Variants in ALDH1A1 observed in about 807,000 individuals in gnomAD.
The protein encoded by ALDH1A1 is aldehyde dehydrogenase 1A1.
A neutral mutation model predicts 62.1 loss-of-function variants in ALDH1A1; 19 were observed. The ratio of observed to expected loss-of-function variants is 0.31; its 90% CI spans 0.21 to 0.45. ALDH1A1 has a LOEUF of 0.45. ALDH1A1 is among the 20% of genes least tolerant of loss of function. The probability of loss-of-function intolerance (pLI) is 1.00; values close to 1 mark genes in which losing one functional copy is unlikely to be tolerated. For synonymous variants in ALDH1A1, 231 were observed against 215.9 expected, an observed-to-expected ratio of 1.07 and a Z score of -0.61; for missense variants, 521 against 607.1, an observed-to-expected ratio of 0.86 and a Z score of 1.49.
At chr9:72,905,167 T>A (rs1447056792) in intron 12 of ALDH1A1, among the ~76,000 whole-genome samples, 1 of 152,154 alleles carries the variant, frequency 6.6e-6, no homozygotes, top group African/African-American at 2.4e-5. Flanking sequence ...AGGTTTCTAT[T>A]TCTTTTTTCT....
At position 72,906,076 on chromosome 9, in the gene ALDH1A1, GA is replaced by G. The variant is rs530247413; in HGVS notation, c.1359-45del. On this transcript the variant is annotated intron_variant, in intron 11 of 12. Coordinates refer to ENST00000297785, the MANE Select transcript of ALDH1A1 (RefSeq NM_000689.5). The stretch of plus-strand genomic sequence containing the variant: ...GCATTATAGACAATACTTAAGGTGT[GA>G]AAAAAAAATCCTTTTTGGCAGTTTT... 5.0e-4 allele frequency: 729 copies of G among 1,463,204 alleles called. 1 individual carries two copies. The African/African-American group carries it at 6.9e-3, about 14-fold the overall frequency. The allele number at this position is 1,463,204 out of a possible 1,614,324, so 90.6% of individuals were successfully genotyped here.
At chr9:72,929,656 C>A (rs574601826) in intron 3 of ALDH1A1, among the ~76,000 whole-genome samples, 1 of 152,126 alleles carries the variant, frequency 6.6e-6, no homozygotes, top group Non-Finnish European at 1.5e-5. Flanking sequence ...ACCTATCTCC[C>A]CTTTGGCTTC....
intron 9 of ALDH1A1, among the ~76,000 whole-genome samples, chr9:72,916,356 A>G (rs1488932738): frequency 2.6e-5 from 4 of 152,208 alleles, no homozygotes; most frequent in African/African-American, 9.6e-5. Context: ...ACCTTTACTG[A>G]TAATAAAGTC....
intron 9 of ALDH1A1, among the ~76,000 whole-genome samples, chr9:72,912,548 CA>C (rs1238347933): frequency 6.6e-6 from 1 of 152,158 alleles, no homozygotes; most frequent in East Asian, 1.9e-4. Context: ...TGTTGGGAAG[CA>C]GATGCTTTAA....
intron 1 of ALDH1A1, among the ~76,000 whole-genome samples, chr9:72,949,882 G>A (rs1249732918): frequency 6.6e-6 from 1 of 150,924 alleles, no homozygotes; most frequent in Non-Finnish European, 1.5e-5. Flanking sequence ...CAACAGTATT[G>A]TGAAGAGAGA....
In ALDH1A1 at chr9:72,931,014, A is replaced by G. The variant is rs1161036368; in HGVS notation, c.177T>C (p.Asp59=). The part of the protein sequence containing the change: ...LCQVEEGDKE[D]VDKAVKAARQ... The stretch of plus-strand genomic sequence containing the variant: ...TTGCGGCCTTCACTGCCTTGTCAAC[A>G]TCCTCCTGTAAGTCAACAGGAATTC... Residue 59 remains aspartate (D), a synonymous_variant, in exon 3 of 13, where the codon GAT becomes GAC. Coordinates refer to ENST00000297785, the MANE Select transcript of ALDH1A1 (RefSeq NM_000689.5). 6 of 1,613,966 alleles carry G rather than the reference A, an allele frequency of 3.7e-6. No individual in the cohort carries two copies. The East Asian group carries it at 1.3e-4, about 36-fold the overall frequency.
intron 3 of ALDH1A1, 32 bp from the exon 4 acceptor site, chr9:72,929,053 T>C: frequency 1.3e-6 from 2 of 1,486,126 alleles, no homozygotes; most frequent in Non-Finnish European, 1.8e-6. Flanking sequence ...AAATCTAAAA[T>C]TCCATAAGTT....
At chr9:72,908,662 AGT>A (rs1409603256) in intron 11 of ALDH1A1, among the ~76,000 whole-genome samples, 1 of 152,012 alleles carries the variant, frequency 6.6e-6, no homozygotes, top group Non-Finnish European at 1.5e-5. Context: ...GGTGTGACTT[AGT>A]GTTGGGAAGG....
intron 12 of ALDH1A1, among the ~76,000 whole-genome samples, chr9:72,902,558 GA>G (rs1389538117): frequency 6.6e-6 from 1 of 151,966 alleles, no homozygotes; most frequent in African/African-American, 2.4e-5. Context: ...CCCATTAAAA[GA>G]TAATATTTTA....
chr9:72,944,297 C>T (rs1319155140), intron 1 of ALDH1A1, among the ~76,000 whole-genome samples: 3 of 152,038 alleles, frequency 2.0e-5, no homozygotes, highest in Non-Finnish European at 2.9e-5. Flanking sequence ...AGTGATGTAA[C>T]AGTGCAGTCT....
At chr9:72,945,476 G>A (rs1830464456) in intron 1 of ALDH1A1, among the ~76,000 whole-genome samples, 1 of 151,848 alleles carries the variant, frequency 6.6e-6, no homozygotes, top group East Asian at 1.9e-4. Flanking sequence ...GGTGATGAGA[G>A]TCCCCATTTA....
chr9:72,924,080 G>A lies in ALDH1A1; in HGVS notation c.686C>T (p.Ala229Val), dbSNP rs530782383. Residue 229 changes from alanine to valine, a missense_variant, in exon 7 of 13, where the codon GCA (alanine) becomes GTA (valine). Transcript: ENST00000297785. ...VNIVPGYGPT[A>V]GAAISSHMDI... ...CATGTGAGAAGAAATGGCTGCCCCT[G>A]CTGTAGGCCCATAACCAGGAACAAT... The A allele has an allele frequency of 1.2e-6, 2 of 1,613,146 alleles. No individual in the cohort carries two copies. The highest frequency in any genetic ancestry group is 2.7e-5 in the African/African-American group (2 of 74,830).
In ALDH1A1 at chr9:72,952,921, G is replaced by C; in HGVS notation, c.66+14C>G. 6.2e-7 allele frequency: 1 copy of C among 1,611,100 alleles called. No individual in the cohort carries two copies. Among genetic ancestry groups the C allele is most frequent in the South Asian group, 1.1e-5 (1 of 90,864 alleles). On this transcript the variant is annotated intron_variant, in intron 1 of 12. Transcript: ENST00000297785. ...CAAACCCGAGTCAAAGCAGAAAATA[G>C]AAGTTTTACTCACCTTAGTATATTG...
At chr9:72,908,752 T>C (rs1316827727) in intron 11 of ALDH1A1, among the ~76,000 whole-genome samples, 4 of 152,020 alleles carry the variant, frequency 2.6e-5, no homozygotes, top group Non-Finnish European at 5.9e-5. Flanking sequence ...AGACATAGTC[T>C]AGAGACTGAC....
chr9:72,951,981 GA>G (rs1830548283), intron 1 of ALDH1A1, among the ~76,000 whole-genome samples: 1 of 151,880 alleles, frequency 6.6e-6, no homozygotes, highest in Admixed American at 6.6e-5. Flanking sequence ...TACAAGTGAG[GA>G]AATAAATATA....
chr9:72,952,493 T>C (rs1830555508), intron 1 of ALDH1A1, among the ~76,000 whole-genome samples: 1 of 151,992 alleles, frequency 6.6e-6, no homozygotes, highest in East Asian at 1.9e-4. Context: ...ACACTCATTT[T>C]ATTAAACATA....
At chr9:72,908,974 A>G (rs1325322832) in intron 11 of ALDH1A1, among the ~76,000 whole-genome samples, 1 of 152,174 alleles carries the variant, frequency 6.6e-6, no homozygotes, top group African/African-American at 2.4e-5. Flanking sequence ...CAAGGGTACC[A>G]AGTAAATATT....
intron 12 of ALDH1A1, among the ~76,000 whole-genome samples, chr9:72,903,776 G>A (rs962456403): frequency 5.3e-5 from 8 of 151,904 alleles, no homozygotes; most frequent in South Asian, 2.1e-4. Context: ...TATGTTCAAC[G>A]AAATTGACAT....
intron 12 of ALDH1A1, among the ~76,000 whole-genome samples, chr9:72,903,643 A>G (rs535136243): frequency 1.3e-5 from 2 of 148,332 alleles, no homozygotes; most frequent in South Asian, 4.2e-4. Flanking sequence ...TTTCCTTTGT[A>G]TTTGAAAGAA....
Sources: allele counts gnomAD v4.1 joint callset (sites outside exome capture counted in the v4.1 genomes callset), GRCh38; gene constraint gnomAD v4.1.1; transcripts MANE v1.5; gene names NCBI Gene and HGNC (gene_info 2026-07-23, HGNC 2026-07-21).